Variants in NBEA observed in about 807,000 individuals in gnomAD.
The protein encoded by NBEA is lysosomal-trafficking regulator 2.
NBEA carries 44 observed loss-of-function variants against 343.4 expected under a neutral mutation model. That is an observed-to-expected ratio of 0.13 (90% CI 0.10 to 0.16). NBEA has a LOEUF of 0.16. Among genes scored for constraint, NBEA ranks in the 10% least tolerant of loss-of-function variants. NBEA has a pLI of 1.00. For missense variants in NBEA, 2,555 were observed against 3,631.3 expected, an observed-to-expected ratio of 0.70 and a Z score of 7.62; for synonymous variants, 1,175 against 1,238.7, an observed-to-expected ratio of 0.95 and a Z score of 1.08.
At chr13:35,166,031 T>G (rs2069995946) in intron 24 of NBEA, among the ~76,000 whole-genome samples, 2 of 152,168 alleles carry the variant, frequency 1.3e-5, no homozygotes, top group African/African-American at 4.8e-5. Context: ...AATCAATATT[T>G]TCTTTGTGAC....
chr13:34,983,218 G>A (rs1196150912), intron 1 of NBEA, among the ~76,000 whole-genome samples: 3 of 152,074 alleles, frequency 2.0e-5, no homozygotes, highest in Non-Finnish European at 4.4e-5. Context: ...TCCCCGCCCT[G>A]TGTCCAAGTG....
intron 1 of NBEA, among the ~76,000 whole-genome samples, chr13:34,963,648 C>T (rs921056113): frequency 2.6e-5 from 4 of 151,828 alleles, no homozygotes; most frequent in Non-Finnish European, 1.5e-5. Context: ...TATTTGTAAA[C>T]CCATTGCTTT....
chr13:35,299,550 C>T (rs1483796274), intron 35 of NBEA, among the ~76,000 whole-genome samples: 1 of 152,134 alleles, frequency 6.6e-6, no homozygotes, highest in African/African-American at 2.4e-5. Flanking sequence ...CTGAAAAAGT[C>T]CTTCATCTTG....
chr13:35,266,934 G>A (rs1436711495), intron 34 of NBEA, among the ~76,000 whole-genome samples: 1 of 151,426 alleles, frequency 6.6e-6, no homozygotes, highest in African/African-American at 2.4e-5. Context: ...ATAACATAAA[G>A]TAAATTAACA....
At chr13:35,492,680 G>A (rs929444338) in intron 41 of NBEA, among the ~76,000 whole-genome samples, 2 of 151,934 alleles carry the variant, frequency 1.3e-5, no homozygotes, top group African/African-American at 4.8e-5. Context: ...ATAAACAGGT[G>A]GAGATCTGAA....
chr13:34,972,128 T>C (rs1297084414), intron 1 of NBEA, among the ~76,000 whole-genome samples: 1 of 152,200 alleles, frequency 6.6e-6, no homozygotes, highest in Non-Finnish European at 1.5e-5. Flanking sequence ...TTTATATGCA[T>C]AGAGGTGTTT....
chr13:35,539,082 C>A (rs2078687867), intron 41 of NBEA, among the ~76,000 whole-genome samples: 1 of 152,060 alleles, frequency 6.6e-6, no homozygotes, highest in Non-Finnish European at 1.5e-5. Context: ...ATTCATAATT[C>A]ATTAGTGTGT....
In NBEA at chr13:35,667,588, G is replaced by A. The variant is rs745411742; in HGVS notation, c.8661+18G>A. ...CAACACGGGTAAATCTGCATAGTTC[G>A]TGCTAAGTAGGACTGAAGCCAAGAG... On this transcript the variant is annotated intron_variant, in intron 57 of 58. Coordinates refer to ENST00000379939, the MANE Select transcript of NBEA (RefSeq NM_001385012.1). The A allele has an allele frequency of 1.7e-5, 28 of 1,606,920 alleles. No homozygotes were observed. Among genetic ancestry groups the A allele is most frequent in the African/African-American group, 2.7e-5 (2 of 74,768 alleles).
chr13:35,069,857 G>A lies in NBEA; in HGVS notation c.1240-51G>A, dbSNP rs189001404. 2.1e-3 allele frequency: 2,729 copies of A among 1,299,636 alleles called. 7 individuals are homozygous for A. The highest frequency in any genetic ancestry group is 2.4e-3 in the Non-Finnish European group (2,271 of 956,476). 80.5% of individuals were successfully genotyped at this position (1,299,636 alleles called of 1,614,324 possible). A position where few individuals can be genotyped will look rare whatever the true frequency, so the allele number is the denominator to read the frequency against. On this transcript the variant is annotated intron_variant, in intron 8 of 58. Coordinates refer to ENST00000379939, the MANE Select transcript of NBEA (RefSeq NM_001385012.1). ...TGTTTCTCTGCTTTAAAACTTTTGAGTGTAATTGTTGCTTTTAAAAAGAGT... is the reference window on the plus strand; with the variant it reads ...TGTTTCTCTGCTTTAAAACTTTTGAATGTAATTGTTGCTTTTAAAAAGAGT...
intron 10 of NBEA, among the ~76,000 whole-genome samples, chr13:35,076,759 G>T (rs1489091731): frequency 6.6e-6 from 1 of 151,918 alleles, no homozygotes; most frequent in Non-Finnish European, 1.5e-5. Flanking sequence ...CTTCTAGTTT[G>T]CATTTCCACA....
At chr13:35,070,251 G>GA in intron 9 of NBEA, 146 bp downstream of exon 9, 1 of 772,470 alleles carries the variant, frequency 1.3e-6, no homozygotes. Context: ...AAACTTTAAA[G>GA]AATATCTCTC....
intron 34 of NBEA, among the ~76,000 whole-genome samples, chr13:35,235,996 A>G (rs981565570): frequency 2.2e-4 from 33 of 152,320 alleles, no homozygotes; most frequent in African/African-American, 5.8e-4. Context: ...TCTACATTCA[A>G]AGAATTTTAA....
chr13:35,572,415 C>T (rs1259750210), intron 45 of NBEA, among the ~76,000 whole-genome samples: 1 of 152,168 alleles, frequency 6.6e-6, no homozygotes, highest in East Asian at 1.9e-4. Flanking sequence ...GAACATAAGA[C>T]ATCACATACA....
At chr13:35,363,125 G>A (rs1230506848) in intron 38 of NBEA, among the ~76,000 whole-genome samples, 2 of 151,856 alleles carry the variant, frequency 1.3e-5, no homozygotes, top group Non-Finnish European at 2.9e-5. Flanking sequence ...AGTTTAATTT[G>A]CTCCTAGCCC....
chr13:34,947,422 T>C (rs1450115779), intron 1 of NBEA, among the ~76,000 whole-genome samples: 1 of 152,222 alleles, frequency 6.6e-6, no homozygotes, highest in Non-Finnish European at 1.5e-5. Flanking sequence ...AAATAATTTA[T>C]TGGGTCTAAC....
chr13:35,271,565 A>G (rs2034154148), intron 34 of NBEA, among the ~76,000 whole-genome samples: 1 of 152,230 alleles, frequency 6.6e-6, no homozygotes, highest in Admixed American at 6.5e-5. Flanking sequence ...TCCGAGCTAA[A>G]AGAGCATGTT....
intron 38 of NBEA, among the ~76,000 whole-genome samples, chr13:35,358,614 A>G (rs1420368246): frequency 6.6e-6 from 1 of 151,846 alleles, no homozygotes; most frequent in African/African-American, 2.4e-5. Context: ...GCTACTCGGG[A>G]GTCTGAAACA....
At chr13:35,251,090 C>T (rs996312084) in intron 34 of NBEA, 37 of 180,832 alleles carry the variant, frequency 2.0e-4, no homozygotes, top group African/African-American at 6.4e-4. Flanking sequence ...AGCCATTGCA[C>T]GAGGCATGGT....
At chr13:35,092,985 A>G (rs1205832013) in intron 10 of NBEA, among the ~76,000 whole-genome samples, 6 of 152,044 alleles carry the variant, frequency 3.9e-5, no homozygotes, top group Admixed American at 3.3e-4. Context: ...TGGTACATCC[A>G]TTAATACTCA....
Sources: allele counts gnomAD v4.1 joint callset (sites outside exome capture counted in the v4.1 genomes callset), GRCh38; gene constraint gnomAD v4.1.1; transcripts MANE v1.5; gene names NCBI Gene and HGNC (gene_info 2026-07-23, HGNC 2026-07-21).